SGTA: variants seen among roughly 807,000 people sequenced by gnomAD.
SGTA encodes the protein small glutamine rich tetratricopeptide repeat co-chaperone alpha.
Under a neutral mutation model 44.3 loss-of-function variants are expected in SGTA, and 22 were observed. The ratio of observed to expected loss-of-function variants is 0.50; its 90% confidence interval spans 0.36 to 0.71. SGTA has a LOEUF of 0.71. Among genes scored for constraint, SGTA ranks in the 30% least tolerant of loss-of-function variants. The probability of loss-of-function intolerance (pLI) is 0.00; values close to 1 mark genes in which losing one functional copy is unlikely to be tolerated. For missense variants in SGTA, 341 were observed against 435.9 expected, an observed-to-expected ratio of 0.78 and a Z score of 1.94; for synonymous variants, 174 against 177.6, an observed-to-expected ratio of 0.98 and a Z score of 0.16.
rs1173024449 is a variant in SGTA at position 2,767,840 on chromosome 19, G to A, written c.101-154C>T. On this transcript the variant is annotated intron_variant, in intron 2 of 11. Transcript: ENST00000221566. The surrounding 1 kb of genome is among the most constrained non-coding windows in gnomAD (Gnocchi z 7.3). ...GGGCCGCCGCCTGTGCTCTGGGCTGGGACAGTGGACCCTCTTCCTTCCCGA... is the reference window on the plus strand; with the variant it reads ...GGGCCGCCGCCTGTGCTCTGGGCTGAGACAGTGGACCCTCTTCCTTCCCGA... 1.3e-5 allele frequency among the ~76,000 whole-genome samples: 2 copies of A among 152,288 alleles called. No individual in the cohort carries two copies. Among genetic ancestry groups the A allele is most frequent in the Middle Eastern group, 3.4e-3 (1 of 294 alleles).
intron 1 of SGTA, among the ~76,000 whole-genome samples, chr19:2,771,262 T>A (rs933919554): frequency 6.6e-6 from 1 of 152,084 alleles, no homozygotes; most frequent in Non-Finnish European, 1.5e-5. Flanking sequence ...CCATCTCTAC[T>A]AAAAATACAA....
At chr19:2,769,496 G>A (rs989785794) in intron 1 of SGTA, among the ~76,000 whole-genome samples, 2 of 152,212 alleles carry the variant, frequency 1.3e-5, no homozygotes, top group African/African-American at 2.4e-5. Flanking sequence ...TCCAGAGAAC[G>A]ATCCAGCCCC....
intron 9 of SGTA, among the ~76,000 whole-genome samples, chr19:2,758,439 C>CCCGGGAGG (rs1914890082): frequency 6.6e-6 from 1 of 151,950 alleles, no homozygotes; most frequent in South Asian, 2.1e-4. Context: ...CCCACTTGAT[C>CCCGGGAGG]CCGGGAGGCA....
At chr19:2,782,460 T>C (rs1915594675) in intron 1 of SGTA, 1 of 152,212 alleles carries the variant, frequency 6.6e-6, no homozygotes, top group Non-Finnish European at 1.5e-5. Flanking sequence ...AGGCACCTGA[T>C]CAAATAATTG....
At position 2,767,739 on chromosome 19, in the gene SGTA, G is replaced by A. The variant is rs560122486; in HGVS notation, c.101-53C>T. 179 of 1,443,792 alleles carry A rather than the reference G, an allele frequency of 1.2e-4. 1 individual carries two copies. The South Asian group carries it at 1.8e-3, about 14-fold the overall frequency. The allele number at this position is 1,443,792 out of a possible 1,614,324, so 89.4% of individuals were successfully genotyped here. Reference sequence around the variant, plus strand: ...TCATTGCACGCAGCCCCGAGGTTACGTTTTTGGGTCTAGAGGGCGGGGTTG... The same window carrying A: ...TCATTGCACGCAGCCCCGAGGTTACATTTTTGGGTCTAGAGGGCGGGGTTG... On this transcript the variant is annotated intron_variant, in intron 2 of 11. Transcript: ENST00000221566. The surrounding 1 kb of genome is among the most constrained non-coding windows in gnomAD (Gnocchi z 7.3).
intron 2 of SGTA, among the ~76,000 whole-genome samples, chr19:2,768,611 T>C (rs1915215452): frequency 6.6e-6 from 1 of 152,148 alleles, no homozygotes; most frequent in Admixed American, 6.5e-5. Context: ...GGGCCAGCAC[T>C]AGGAGAGCTT....
intron 1 of SGTA, among the ~76,000 whole-genome samples, chr19:2,779,995 G>A (rs779031686): frequency 1.3e-5 from 2 of 152,154 alleles, no homozygotes; most frequent in Middle Eastern, 3.4e-3. Flanking sequence ...AGGCTGAGGC[G>A]AGAGGATTGT....
rs779390828 is a variant in SGTA at position 2,765,144 on chromosome 19, G to A, written c.392+42C>T. The A allele has an allele frequency of 1.6e-5, 23 of 1,450,870 alleles. No individual in the cohort carries two copies. Among genetic ancestry groups the A allele is most frequent in the Admixed American group, 1.0e-4 (6 of 59,722 alleles). The allele number at this position is 1,450,870 out of a possible 1,614,324, so 89.9% of individuals were successfully genotyped here. On this transcript the variant is annotated intron_variant, in intron 5 of 11. Transcript: ENST00000221566. The surrounding 1 kb of genome is among the most constrained non-coding windows in gnomAD (Gnocchi z 5.5). Reference sequence around the variant, plus strand: ...GCTAAGCATCCCGGAGGACGCCCCCGCACCCGGCCGCCCCTGCCCTGGGCA... The same window carrying A: ...GCTAAGCATCCCGGAGGACGCCCCCACACCCGGCCGCCCCTGCCCTGGGCA...
chr19:2,781,651 C>G (rs1248775291), intron 1 of SGTA, among the ~76,000 whole-genome samples: 3 of 152,104 alleles, frequency 2.0e-5, no homozygotes, highest in Non-Finnish European at 4.4e-5. Context: ...GGGGACCACC[C>G]GAGACCACCC....
At chr19:2,758,533 G>A (rs1425906254) in intron 9 of SGTA, among the ~76,000 whole-genome samples, 3 of 150,944 alleles carry the variant, frequency 2.0e-5, no homozygotes, top group Non-Finnish European at 3.0e-5. Flanking sequence ...AAAAAAAGGA[G>A]AAAGAAAAAA....
At position 2,767,987 on chromosome 19, in the gene SGTA, G is replaced by A. The variant is rs953232306; in HGVS notation, c.101-301C>T. ...CCCAATGCTGGGGCTGCCCGGCTGC[G>A]GCGTGGTGGGGGCTTGGCCCCACCT... On this transcript the variant is annotated intron_variant, in intron 2 of 11. Transcript: ENST00000221566. The surrounding 1 kb of genome is among the most constrained non-coding windows in gnomAD (Gnocchi z 7.3). Among the ~76,000 whole-genome samples the A allele has an allele frequency of 1.7e-4, 26 of 152,152 alleles. No homozygotes were observed. Among genetic ancestry groups the A allele is most frequent in the Admixed American group, 1.1e-3 (17 of 15,278 alleles).
At chr19:2,762,877 G>A (rs1028867693) in intron 6 of SGTA, among the ~76,000 whole-genome samples, 1 of 152,188 alleles carries the variant, frequency 6.6e-6, no homozygotes, top group African/African-American at 2.4e-5. Flanking sequence ...GTCCCCATGG[G>A]GCCACACACA....
chr19:2,771,575 C>CG (rs5741784), intron 1 of SGTA, among the ~76,000 whole-genome samples: 31,095 of 108,052 alleles, frequency 0.29, 5,944 homozygotes, highest in Admixed American at 0.39. Flanking sequence ...ACCTCCCCAT[C>CG]GGGGGGGGGG....
intron 1 of SGTA, among the ~76,000 whole-genome samples, chr19:2,779,418 G>A (rs1022445490): frequency 1.3e-5 from 2 of 152,146 alleles, no homozygotes; most frequent in Non-Finnish European, 2.9e-5. Flanking sequence ...AGGCTTTCCC[G>A]TAAGAAAGTT....
At position 2,763,055 on chromosome 19, in the gene SGTA, C is replaced by T. The variant is rs1407018118; in HGVS notation, c.498-411G>A. On this transcript the variant is annotated intron_variant, in intron 6 of 11. Transcript: ENST00000221566. The surrounding 1 kb of genome is among the most constrained non-coding windows in gnomAD (Gnocchi z 5.8). The stretch of plus-strand genomic sequence containing the variant: ...CGTCATCCACAAGCAGCCCCTGACC[C>T]CCACCTGAGTGAGTCTTCACTCGTG... Among the ~76,000 whole-genome samples, 5 of 128,312 alleles carry T rather than the reference C, an allele frequency of 3.9e-5. No homozygotes were observed. Among genetic ancestry groups the T allele is most frequent in the Middle Eastern group, 3.7e-3 (1 of 270 alleles). The allele number at this position is 128,312 out of a possible 152,430, so 84.2% of individuals were successfully genotyped here.
At chr19:2,771,629 C>G (rs1356847542) in intron 1 of SGTA, among the ~76,000 whole-genome samples, 1 of 151,872 alleles carries the variant, frequency 6.6e-6, no homozygotes, top group East Asian at 1.9e-4. Flanking sequence ...AGTGAACACC[C>G]CCACACAGGC....
In SGTA at chr19:2,757,380, C is replaced by G. The variant is rs929340519; in HGVS notation, c.905G>C (p.Arg302Pro). The change falls in exon 11 of 12, where the codon CGG (arginine) becomes CCG (proline). Residue 302 changes from arginine (R) to proline (P), a missense_variant. Arg to Pro is a moderately radical substitution (Grantham distance 103). Coordinates refer to ENST00000221566, the MANE Select transcript of SGTA (RefSeq NM_003021.4). ...IEQLRSQIRS[R>P]TPSASNDDQQ... ...GTCGTCGTTGCTGGCGCTGGGCGTC[C>G]GACTCCGGATCTGGCTCCTGAGCTG... 1.1e-5 allele frequency: 17 copies of G among 1,606,258 alleles called. No individual in the cohort carries two copies. The highest frequency in any genetic ancestry group is 1.3e-5 in the Non-Finnish European group (15 of 1,179,908).
chr19:2,766,897 G>A (rs528686232), intron 4 of SGTA, among the ~76,000 whole-genome samples: 16 of 152,052 alleles, frequency 1.1e-4, no homozygotes, highest in South Asian at 4.2e-4. Context: ...GTCTTCCACA[G>A]GGGCCGCTCC....
intron 1 of SGTA, among the ~76,000 whole-genome samples, chr19:2,775,603 C>T (rs1180412864): frequency 6.6e-6 from 1 of 152,210 alleles, no homozygotes; most frequent in African/African-American, 2.4e-5. Flanking sequence ...GGGTGTGACA[C>T]CGACTCCATT....
Sources: allele counts gnomAD v4.1 joint callset (sites outside exome capture counted in the v4.1 genomes callset), GRCh38; gene constraint gnomAD v4.1.1; non-coding constraint Gnocchi (gnomAD v3.1); transcripts MANE v1.5; gene names NCBI Gene and HGNC (gene_info 2026-07-23, HGNC 2026-07-21).